Variants in UNC45A observed in about 807,000 individuals in gnomAD.
The protein encoded by UNC45A is protein unc-45 homolog A.
UNC45A carries 78 observed loss-of-function variants against 103.2 expected under a neutral mutation model. The observed-to-expected ratio is 0.76, with a 90% CI of 0.63 to 0.91. UNC45A has a LOEUF of 0.91. Among genes scored for constraint, UNC45A ranks in the 40% least tolerant of loss-of-function variants. The pLI, the probability that UNC45A is intolerant of heterozygous loss-of-function variation, is 0.00. For missense variants in UNC45A, 1,193 were observed against 1,224.8 expected (o/e 0.97, Z 0.39); for synonymous variants, 495 against 504.6 (o/e 0.98, Z 0.25).
intron 9 of UNC45A, among the ~76,000 whole-genome samples, chr15:90,945,941 C>G (rs2036544924): frequency 6.7e-6 from 1 of 149,932 alleles, no homozygotes; most frequent in South Asian, 2.1e-4. Context: ...GTCCAGGCGA[C>G]AGTCCTTGTT....
chr15:90,936,211 G>A (rs983444033), intron 3 of UNC45A, 74 bp from the exon 4 acceptor site: 6 of 1,544,990 alleles, frequency 3.9e-6, no homozygotes, highest in Non-Finnish European at 4.4e-6. Context: ...GCCTTTCCTC[G>A]AGATCTTTCC....
upstream of UNC45A, chr15:90,932,523 C>A (rs953707138): frequency 1.0e-5 from 13 of 1,292,454 alleles, no homozygotes; most frequent in African/African-American, 2.0e-4. Flanking sequence ...CCAGCAGCTG[C>A]GCCGCCTCAG....
intron 10 of UNC45A, chr15:90,947,463 A>C: frequency 2.8e-6 from 1 of 352,152 alleles, no homozygotes; most frequent in Non-Finnish European, 5.4e-6. Context: ...CTCTCCCCAC[A>C]TGCCTCTCAA....
intron 17 of UNC45A, among the ~76,000 whole-genome samples, chr15:90,951,163 G>A (rs1439461004): frequency 1.3e-5 from 2 of 152,064 alleles, no homozygotes; most frequent in Non-Finnish European, 2.9e-5. Context: ...ACGTGCTACC[G>A]CGCCTGGCTA....
intron 10 of UNC45A, chr15:90,947,523 T>G: frequency 2.0e-6 from 1 of 492,524 alleles, no homozygotes; most frequent in East Asian, 3.4e-5. Context: ...AACAGAGCCA[T>G]TCTCAGTGTG....
upstream of UNC45A, chr15:90,934,266 C>A (rs2035903803): frequency 1.3e-5 from 5 of 399,008 alleles, no homozygotes; most frequent in South Asian, 1.3e-4. Flanking sequence ...CTCTTTTACT[C>A]TCCAGTAGGG....
chr15:90,946,754 C>T lies in UNC45A; in HGVS notation c.1340C>T (p.Ala447Val), dbSNP rs755755871. ...ATGGAGAGTGTGATTGCTCTGTGTG[C>T]CTCTGAGCAGGAGGAGGAGCAGCTG... is the stretch of plus-strand genomic sequence containing the variant. ...GVMESVIALC[A>V]SEQEEEQLVA... The change falls in exon 10 of 20, where the codon GCC (alanine) becomes GTC (valine). Residue 447 changes from alanine to valine, a missense_variant. Coordinates refer to ENST00000418476, the MANE Select transcript of UNC45A (RefSeq NM_018671.5). 2 of 1,614,078 alleles carry T rather than the reference C, an allele frequency of 1.2e-6. No individual in the cohort carries two copies. The highest frequency in any genetic ancestry group is 1.7e-6 in the Non-Finnish European group (2 of 1,180,042).
chr15:90,942,676 C>T (rs755619772), intron 7 of UNC45A, 71 bp downstream of exon 7: 2 of 1,605,880 alleles, frequency 1.2e-6, no homozygotes, highest in Middle Eastern at 1.7e-4. Flanking sequence ...GCCAGCCAGG[C>T]CAGTTTTTTG....
At chr15:90,946,568 C>A (rs761948183) in intron 9 of UNC45A, 46 bp from the exon 10 acceptor site, 2 of 1,532,446 alleles carry the variant, frequency 1.3e-6, no homozygotes, top group South Asian at 1.2e-5. Flanking sequence ...AGAAGAGTCC[C>A]TTTATGTTGG....
chr15:90,937,835 T>G (rs916025812), intron 4 of UNC45A, among the ~76,000 whole-genome samples: 1 of 152,084 alleles, frequency 6.6e-6, no homozygotes, highest in African/African-American at 2.4e-5. Context: ...TATTTATGTA[T>G]TTTGAGACGG....
chr15:90,942,939 T>A lies in UNC45A; in HGVS notation c.884T>A (p.Ile295Asn). The change falls in exon 8 of 20, where the codon ATC (isoleucine) becomes AAC (asparagine). Residue 295 changes from isoleucine (I) to asparagine (N), a missense_variant. Ile to Asn is a moderately radical substitution (Grantham distance 149, BLOSUM62 -3). Transcript: ENST00000418476. Reference protein sequence around the residue: ...VDPARELKVLISNLLDLLTEV... With the variant: ...VDPARELKVLNSNLLDLLTEV... ...CCTGCCCGGGAGCTGAAGGTCCTCA[T>A]CAGTAACCTCTTAGATCTGCTGACA... 1 of 1,612,884 alleles carries A rather than the reference T, an allele frequency of 6.2e-7. No individual in the cohort carries two copies.
chr15:90,931,314 A>G, upstream of UNC45A: 1 of 1,551,228 alleles, frequency 6.4e-7, no homozygotes, highest in Non-Finnish European at 8.7e-7. Flanking sequence ...GATGCTTTAG[A>G]GCCTCTTCCA....
upstream of UNC45A, chr15:90,931,472 C>T: frequency 6.2e-7 from 1 of 1,614,122 alleles, no homozygotes; most frequent in Admixed American, 1.7e-5. Flanking sequence ...TCCCCACTTC[C>T]TGGCAAGCTT....
chr15:90,932,557 A>T, upstream of UNC45A: 1 of 1,241,042 alleles, frequency 8.1e-7, no homozygotes, highest in South Asian at 3.3e-5. Flanking sequence ...GATGGGGCCG[A>T]CGACTGCGGC....
chr15:90,944,136 C>T (rs1207596320), intron 8 of UNC45A, among the ~76,000 whole-genome samples: 1 of 151,718 alleles, frequency 6.6e-6, no homozygotes, highest in Non-Finnish European at 1.5e-5. Context: ...CCTATAATCC[C>T]AGCACTTTGG....
chr15:90,941,350 T>C (rs1275610231), intron 6 of UNC45A, among the ~76,000 whole-genome samples: 2 of 152,114 alleles, frequency 1.3e-5, no homozygotes, highest in Non-Finnish European at 2.9e-5. Context: ...TGCCCCCAGC[T>C]CTTACCTGAG....
chr15:90,948,732 G>A lies in UNC45A; in HGVS notation c.1816G>A (p.Asp606Asn), dbSNP rs533916225. The stretch of plus-strand genomic sequence containing the variant: ...CAACAGCTATGACTACGAGGAGCCC[G>A]ACCCCAAGATGGTGGAGCTGGCCAA... The part of the protein sequence containing the change: ...CTNSYDYEEP[D>N]PKMVELAKYA... Residue 606 changes from aspartate (D) to asparagine (N), a missense_variant, in exon 13 of 20, where the codon GAC becomes AAC. By Grantham distance (23) the Asp-to-Asn change is conservative (BLOSUM62 1). Coordinates refer to ENST00000418476, the MANE Select transcript of UNC45A (RefSeq NM_018671.5). The A allele has an allele frequency of 5.0e-4, 808 of 1,613,924 alleles. 14 individuals carry two copies. In the South Asian group the frequency reaches 8.2e-3, roughly 16 times the overall value.
At chr15:90,931,472 C>G, upstream of UNC45A, 1 of 1,614,122 alleles carries the variant, frequency 6.2e-7, no homozygotes, top group Non-Finnish European at 8.5e-7. Context: ...TCCCCACTTC[C>G]TGGCAAGCTT....
At chr15:90,942,323 G>A (rs865930035) in intron 6 of UNC45A, 114 bp from the exon 7 acceptor site, 7 of 1,248,458 alleles carry the variant, frequency 5.6e-6, no homozygotes, top group South Asian at 4.3e-5. Context: ...CCTGGAGCTG[G>A]GCCTTCCACC....
Sources: gnomAD v4.1 joint callset for allele counts (sites outside exome capture counted in the v4.1 genomes callset) on GRCh38, gnomAD v4.1.1 for gene constraint, MANE v1.5 for transcripts, NCBI Gene and HGNC (gene_info 2026-07-23, HGNC 2026-07-21) for gene names.